The following U2SURP variants were observed in gnomAD, a reference collection of about 807,000 sequenced individuals.
The protein encoded by U2SURP is U2 snRNP associated SURP domain containing.
U2SURP carries 9 observed loss-of-function variants against 144.9 expected under a neutral mutation model. That is an observed-to-expected ratio of 0.06 (90% CI 0.04 to 0.11). U2SURP has a LOEUF of 0.11. Among genes scored for constraint, U2SURP ranks in the 10% least tolerant of loss-of-function variants. The pLI, the probability that U2SURP is intolerant of heterozygous loss-of-function variation, is 1.00. For synonymous variants in U2SURP, 408 were observed against 396.8 expected (o/e 1.03, Z -0.33); for missense variants, 724 against 1,226.7 (o/e 0.59, Z 6.12).
At position 143,034,984 on chromosome 3, in the gene U2SURP, A is replaced by T; in HGVS notation, c.1941+9A>T. On this transcript the variant is annotated intron_variant, in intron 19 of 27. Coordinates refer to ENST00000473835, the MANE Select transcript of U2SURP (RefSeq NM_001080415.2). The stretch of plus-strand genomic sequence containing the variant: ...AATCTGAAAACTTTAAGGTACGTTT[A>T]TTGTTTTACTATTTTTGCCCTAGTG... 9.0e-7 allele frequency: 1 copy of T among 1,106,608 alleles called. No homozygotes were observed. Among genetic ancestry groups the T allele is most frequent in the Non-Finnish European group, 1.2e-6 (1 of 823,012 alleles). The allele number at this position is 1,106,608 out of a possible 1,614,324, so 68.5% of individuals were successfully genotyped here.
At chr3:143,015,760 A>G (rs1460701003) in intron 4 of U2SURP, among the ~76,000 whole-genome samples, 2 of 152,074 alleles carry the variant, frequency 1.3e-5, no homozygotes, top group East Asian at 1.9e-4. Context: ...GACATTTAGA[A>G]TAATTGAAAA....
At chr3:143,011,117 C>T (rs1012814390) in intron 2 of U2SURP, among the ~76,000 whole-genome samples, 3 of 151,670 alleles carry the variant, frequency 2.0e-5, no homozygotes, top group African/African-American at 4.8e-5. Context: ...ACATACATAA[C>T]GTATCTATAC....
chr3:143,043,359 C>A, intron 24 of U2SURP, 83 bp downstream of exon 24: 1 of 1,386,072 alleles, frequency 7.2e-7, no homozygotes. Flanking sequence ...TTGCATTGTA[C>A]CGTAGTACAT....
chr3:143,027,342 T>C (rs927310126), intron 14 of U2SURP, 89 bp downstream of exon 14: 1 of 926,722 alleles, frequency 1.1e-6, no homozygotes, highest in African/African-American at 1.7e-5. Context: ...TGTCATTAAG[T>C]ACATTCACAT....
At chr3:143,038,528 T>TTGACC (rs1209130531) in intron 22 of U2SURP, among the ~76,000 whole-genome samples, 1 of 152,026 alleles carries the variant, frequency 6.6e-6, no homozygotes, top group Non-Finnish European at 1.5e-5. Context: ...AAACCAAGCT[T>TTGACC]TGACCCTCCC....
chr3:143,056,214 CTG>C (rs1935142307), intron 27 of U2SURP, 96 bp from the exon 28 acceptor site: 1 of 1,283,202 alleles, frequency 7.8e-7, no homozygotes, highest in Non-Finnish European at 1.1e-6. Flanking sequence ...TGATTTTTCA[CTG>C]TGCCCTGTTA....
intron 21 of U2SURP, 113 bp from the exon 22 acceptor site, chr3:143,037,995 C>A: frequency 1.6e-6 from 1 of 620,572 alleles, no homozygotes; most frequent in Non-Finnish European, 2.6e-6. Flanking sequence ...ACTATTTGTC[C>A]ATCTGTGTCC....
chr3:143,032,910 G>A lies in U2SURP; in HGVS notation c.1737G>A (p.Glu579=). The change falls in exon 17 of 28, where the codon GAG becomes GAA. Residue 579 remains glutamate (E), a synonymous_variant. Transcript: ENST00000473835. ...AAGAAATAGTGGATTGCATTACTGA[G>A]TCGTTGTCCATCTTAAAGACACCCC... is the stretch of plus-strand genomic sequence containing the variant. ...AAEEIVDCIT[E]SLSILKTPLP... 6.2e-7 allele frequency: 1 copy of A among 1,613,438 alleles called. No homozygotes were observed. Among genetic ancestry groups the A allele is most frequent in the Non-Finnish European group, 8.5e-7 (1 of 1,179,654 alleles).
intron 13 of U2SURP, 157 bp from the exon 14 acceptor site, chr3:143,026,992 G>A: frequency 1.7e-6 from 1 of 582,556 alleles, no homozygotes; most frequent in Non-Finnish European, 3.1e-6. Context: ...TAATGCACAA[G>A]GCATTAACAT....
At chr3:143,052,042 A>G (rs1934899158) in intron 25 of U2SURP, among the ~76,000 whole-genome samples, 1 of 152,196 alleles carries the variant, frequency 6.6e-6, no homozygotes, top group South Asian at 2.1e-4. Context: ...ACCACTGTTT[A>G]AAAGTTGCCC....
intron 12 of U2SURP, among the ~76,000 whole-genome samples, chr3:143,023,574 G>A (rs1171134190): frequency 6.6e-6 from 1 of 152,074 alleles, no homozygotes; most frequent in Non-Finnish European, 1.5e-5. Context: ...AGAATTCGTT[G>A]GTTCTATTAT....
intron 1 of U2SURP, 40 bp downstream of exon 1, chr3:143,001,713 A>G (rs1935535856): frequency 1.9e-6 from 3 of 1,611,894 alleles, no homozygotes; most frequent in Non-Finnish European, 2.5e-6. Flanking sequence ...CGGATCTACC[A>G]CTGTCGTTTG....
chr3:143,053,621 A>G (rs1934999285), intron 25 of U2SURP, 55 bp from the exon 26 acceptor site: 1 of 1,057,810 alleles, frequency 9.5e-7, no homozygotes, highest in Non-Finnish European at 1.4e-6. Flanking sequence ...TATAAATGAG[A>G]TTAACCCACA....
rs1163809832 is a variant in U2SURP, at chr3:143,027,143, T to C, written c.1275-6T>C. ...TCCATTTTCTTTAACTGTGTTGTTG[T>C]TGTAGGAATTTGCTCGCCCTGATAC... On this transcript the variant is annotated splice_region_variant and splice_polypyrimidine_tract_variant and intron_variant, in intron 13 of 27. Transcript: ENST00000473835. 3.1e-6 allele frequency: 5 copies of C among 1,608,744 alleles called. No homozygotes were observed. The South Asian group carries it at 5.5e-5, about 18-fold the overall frequency.
chr3:143,028,725 G>A, intron 16 of U2SURP, 79 bp downstream of exon 16: 1 of 1,254,512 alleles, frequency 8.0e-7, no homozygotes, highest in Middle Eastern at 2.0e-4. Context: ...TTATTAAGAT[G>A]TTAACCCTAA....
intron 1 of U2SURP, among the ~76,000 whole-genome samples, chr3:143,006,543 G>T (rs1007084581): frequency 2.0e-5 from 3 of 152,204 alleles, no homozygotes; most frequent in Non-Finnish European, 4.4e-5. Flanking sequence ...ATCACCTGAG[G>T]TCGGGAGTTC....
At chr3:143,051,316 G>C (rs1408997287) in intron 25 of U2SURP, among the ~76,000 whole-genome samples, 2 of 152,156 alleles carry the variant, frequency 1.3e-5, no homozygotes, top group African/African-American at 4.8e-5. Context: ...TTCAAAACTG[G>C]AAAACCCTTC....
In U2SURP at chr3:143,033,300, T is replaced by G. The variant is rs1178868438; in HGVS notation, c.1803T>G (p.Val601=). The G allele has an allele frequency of 1.3e-6, 2 of 1,544,616 alleles. No homozygotes were observed. The highest frequency in any genetic ancestry group is 3.9e-5 in the Admixed American group (2 of 50,918). ...CCAGATTATATTTGGTTTCTGATGT[T>G]TTGTACAACTCTTCAGCCAAAGTTG... ...KIARLYLVSD[V]LYNSSAKVAN... Residue 601 remains valine (V), a synonymous_variant, in exon 18 of 28, where the codon GTT becomes GTG. Coordinates refer to ENST00000473835, the MANE Select transcript of U2SURP (RefSeq NM_001080415.2).
At chr3:143,030,678 T>C (rs1340764997) in intron 16 of U2SURP, among the ~76,000 whole-genome samples, 1 of 152,186 alleles carries the variant, frequency 6.6e-6, no homozygotes, top group African/African-American at 2.4e-5. Context: ...CTGCCATAGA[T>C]AGTGATTCCT....
Sources: gnomAD v4.1 joint callset for allele counts (sites outside exome capture counted in the v4.1 genomes callset) on GRCh38, gnomAD v4.1.1 for gene constraint, MANE v1.5 for transcripts, NCBI Gene and HGNC (gene_info 2026-07-23, HGNC 2026-07-21) for gene names.